GRID2IP: variants seen among roughly 807,000 people sequenced by gnomAD.
GRID2IP encodes the protein Grid2 interacting protein, also known as delphilin.
In GRID2IP, 78 loss-of-function variants were observed where a neutral mutation model predicts 114.3. The observed-to-expected ratio is 0.68, with a 90% CI of 0.57 to 0.82. The LOEUF (loss-of-function observed/expected upper bound fraction) is 0.82. Among genes scored for constraint, GRID2IP ranks in the 40% least tolerant of loss-of-function variants. GRID2IP has a pLI of 0.00. For missense variants in GRID2IP, 1,727 were observed against 1,678.5 expected (o/e 1.03, Z -0.51); for synonymous variants, 809 against 724.0 (o/e 1.12, Z -1.89).
chr7:6,548,841 CAA>C (rs60120996), intron 1 of GRID2IP, among the ~76,000 whole-genome samples: 1,759 of 105,984 alleles, frequency 0.017, 26 homozygotes, highest in African/African-American at 0.049. Flanking sequence ...GACTCTGCCT[CAA>C]AAAAAAAAAA....
chr7:6,544,673 G>A (rs1221954900), intron 1 of GRID2IP, among the ~76,000 whole-genome samples: 2 of 152,262 alleles, frequency 1.3e-5, no homozygotes, highest in African/African-American at 2.4e-5. Flanking sequence ...ATAACAAGCT[G>A]GGCACAGCAG....
rs1779659841 is a variant in GRID2IP at position 6,532,905 on chromosome 7, G to C, written c.585-6136C>G. 6.6e-6 allele frequency among the ~76,000 whole-genome samples: 1 copy of C among 152,172 alleles called. No homozygotes were observed. Among genetic ancestry groups the C allele is most frequent in the Non-Finnish European group, 1.5e-5 (1 of 68,030 alleles). On this transcript the variant is annotated intron_variant, in intron 2 of 21. Transcript: ENST00000457091. This position sits in a 1 kb window ranked among gnomAD's most constrained non-coding sequence, Gnocchi z 4.4. ...AGTGGGGCCAGCTGCTCATGCCTGT[G>C]GCCAGGTGACCCAGGGCAGCATGAG... is the stretch of plus-strand genomic sequence containing the variant.
chr7:6,509,001 G>T lies in GRID2IP; in HGVS notation c.2084C>A (p.Thr695Asn). The T allele has an allele frequency of 1.3e-6, 2 of 1,548,266 alleles. No individual in the cohort carries two copies. The highest frequency in any genetic ancestry group is 8.7e-7 in the Non-Finnish European group (1 of 1,146,680). ...CGGGGTCAGGAAATCATCCACGATG[G>T]TGACCCGGGGGCCCAGCTGCTCGCT... Reference protein sequence around the residue: ...VLSEQLGPRVTIVDDFLTPEN... With the variant: ...VLSEQLGPRVNIVDDFLTPEN... Residue 695 changes from threonine (T) to asparagine (N), a missense_variant, in exon 12 of 22, where the codon ACC (threonine) becomes AAC (asparagine). By Grantham distance (65) the Thr-to-Asn change is moderately conservative. Coordinates refer to ENST00000457091, the MANE Select transcript of GRID2IP (RefSeq NM_001145118.2). This position sits in a 1 kb window ranked among gnomAD's most constrained non-coding sequence, Gnocchi z 4.9.
In GRID2IP at chr7:6,510,574, T is replaced by C. The variant is rs1323487802; in HGVS notation, c.1653+35A>G. 1.0e-5 allele frequency: 15 copies of C among 1,468,084 alleles called. No individual in the cohort carries two copies. The East Asian group carries it at 3.8e-4, about 38-fold the overall frequency. 90.9% of individuals were successfully genotyped at this position (1,468,084 alleles called of 1,614,324 possible). On this transcript the variant is annotated intron_variant, in intron 10 of 21. Coordinates refer to ENST00000457091, the MANE Select transcript of GRID2IP (RefSeq NM_001145118.2). ...TATGGACCGTCCATTCCCTGCCCCC[T>C]ACTGACCCCACGTGGAGGGCAGAGA...
In GRID2IP at chr7:6,501,546, A is replaced by G. The variant is rs550924274; in HGVS notation, c.3399+235T>C. On this transcript the variant is annotated intron_variant, in intron 20 of 21. Coordinates refer to ENST00000457091, the MANE Select transcript of GRID2IP (RefSeq NM_001145118.2). ...GCAAAACCTTGTCTCTACTAAAAAT[A>G]CAAAAATTAGCCAGGCATAGCCTGG... Among the ~76,000 whole-genome samples, 22 of 152,314 alleles carry G rather than the reference A, an allele frequency of 1.4e-4. No individual in the cohort carries two copies. In the South Asian group the frequency reaches 4.3e-3, roughly 30 times the overall value.
At chr7:6,531,550 C>T (rs1779626108) in intron 2 of GRID2IP, among the ~76,000 whole-genome samples, 1 of 152,218 alleles carries the variant, frequency 6.6e-6, no homozygotes, top group Non-Finnish European at 1.5e-5. Flanking sequence ...CTCCAGGGCT[C>T]AGCAGGAGTC....
At position 6,521,597 on chromosome 7, in the gene GRID2IP, G is replaced by C; in HGVS notation, c.990-74C>G. 9.1e-7 allele frequency: 1 copy of C among 1,100,312 alleles called. No individual in the cohort carries two copies. The highest frequency in any genetic ancestry group is 1.3e-6 in the Non-Finnish European group (1 of 766,060). 68.2% of individuals were successfully genotyped at this position (1,100,312 alleles called of 1,614,324 possible). ...CCACGGCCACCAGCCAGACCTCCCT[G>C]TCCTGCCCACAGAGGTCACACAGCA... On this transcript the variant is annotated intron_variant, in intron 5 of 21. Coordinates refer to ENST00000457091, the MANE Select transcript of GRID2IP (RefSeq NM_001145118.2). The surrounding 1 kb of genome is among the most constrained non-coding windows in gnomAD (Gnocchi z 4.1).
In GRID2IP at chr7:6,526,904, G is replaced by A; in HGVS notation, c.585-135C>T. On this transcript the variant is annotated intron_variant, in intron 2 of 21. Coordinates refer to ENST00000457091, the MANE Select transcript of GRID2IP (RefSeq NM_001145118.2). The surrounding 1 kb of genome is among the most constrained non-coding windows in gnomAD (Gnocchi z 7.6). Reference sequence around the variant, plus strand: ...TCCTAGGAGTGGCGGAGGGCTGGGGGGATCGGGATGAGCAGCCGGTAGCAC... The same window carrying A: ...TCCTAGGAGTGGCGGAGGGCTGGGGAGATCGGGATGAGCAGCCGGTAGCAC... The A allele has an allele frequency of 9.6e-6, 10 of 1,037,536 alleles. No homozygotes were observed. The highest frequency in any genetic ancestry group is 4.2e-5 in the Admixed American group (1 of 23,962). The allele number at this position is 1,037,536 out of a possible 1,614,324, so 64.3% of individuals were successfully genotyped here. A position where few individuals can be genotyped will look rare whatever the true frequency, so the allele number is the denominator to read the frequency against.
At chr7:6,550,435 T>C (rs1779956235) in intron 1 of GRID2IP, among the ~76,000 whole-genome samples, 1 of 152,038 alleles carries the variant, frequency 6.6e-6, no homozygotes, top group East Asian at 1.9e-4. Flanking sequence ...GGTGCATGTA[T>C]ATGGAAAATT....
At position 6,526,229 on chromosome 7, in the gene GRID2IP, A is replaced by G. The variant is rs1454845132; in HGVS notation, c.914T>C (p.Leu305Pro). 4 of 1,551,806 alleles carry G rather than the reference A, an allele frequency of 2.6e-6. No homozygotes were observed. The highest frequency in any genetic ancestry group is 1.2e-5 in the South Asian group (1 of 84,066). The change falls in exon 4 of 22, where the codon CTG (leucine) becomes CCG (proline). Residue 305 changes from leucine (L) to proline (P), a missense_variant. Physicochemically the swap from Leu to Pro is moderately conservative, Grantham distance 98 (BLOSUM62 -3). Coordinates refer to ENST00000457091, the MANE Select transcript of GRID2IP (RefSeq NM_001145118.2). This position sits in a 1 kb window ranked among gnomAD's most constrained non-coding sequence, Gnocchi z 7.6. ...GHGPVWIESVLPGSPADNAAL... is the reference protein window; with the variant it reads ...GHGPVWIESVPPGSPADNAAL... ...GCAACCGGCCCACCCCTCACCAGGC[A>G]GGACAGACTCGATCCAGACAGGCCC...
At chr7:6,513,069 G>A (rs571257170) in intron 8 of GRID2IP, among the ~76,000 whole-genome samples, 1 of 152,206 alleles carries the variant, frequency 6.6e-6, no homozygotes, top group South Asian at 2.1e-4. Flanking sequence ...GGCATTCGGA[G>A]GGCACGCTGA....
intron 18 of GRID2IP, 77 bp from the exon 19 acceptor site, chr7:6,502,195 C>T (rs1246825004): frequency 1.9e-5 from 26 of 1,345,952 alleles, no homozygotes; most frequent in Non-Finnish European, 2.7e-5. Context: ...TTCTCCTGGA[C>T]TACTGTGGCA....
rs1779972175 is a variant in GRID2IP at position 6,551,164 on chromosome 7, T to A, written c.273A>T (p.Pro91=). The A allele has an allele frequency of 7.4e-7, 1 of 1,350,304 alleles. No homozygotes were observed. Among genetic ancestry groups the A allele is most frequent in the Non-Finnish European group, 9.4e-7 (1 of 1,058,714 alleles). 83.6% of individuals were successfully genotyped at this position (1,350,304 alleles called of 1,614,324 possible). A position where few individuals can be genotyped will look rare whatever the true frequency, so the allele number is the denominator to read the frequency against. ...TGGTCGGGGCCGCGGGGCCGGATCC[T>A]GGGCCGGGGCCACCGTCGGGAGCCG... is the stretch of plus-strand genomic sequence containing the variant. ...VLPAPDGGPG[P]GSGPAAPTTV... Residue 91 remains proline, a synonymous_variant, in exon 1 of 22, where the codon CCA becomes CCT. Transcript: ENST00000457091.
chr7:6,507,952 G>GT lies in GRID2IP; in HGVS notation c.2544+32dup. ...CTGCTGCCCAAGCCATCCTCCCCCAGTACAGAGCGCTGCTGGGTCCCAGGT... is the reference window on the plus strand; with the variant it reads ...CTGCTGCCCAAGCCATCCTCCCCCAGTTACAGAGCGCTGCTGGGTCCCAGGT... On this transcript the variant is annotated intron_variant, in intron 13 of 21. Coordinates refer to ENST00000457091, the MANE Select transcript of GRID2IP (RefSeq NM_001145118.2). This position sits in a 1 kb window ranked among gnomAD's most constrained non-coding sequence, Gnocchi z 5.3. 2 of 1,548,310 alleles carry GT rather than the reference G, an allele frequency of 1.3e-6. No homozygotes were observed. The highest frequency in any genetic ancestry group is 1.7e-6 in the Non-Finnish European group (2 of 1,146,022).
At chr7:6,512,810 C>T (rs1465943637) in intron 8 of GRID2IP, among the ~76,000 whole-genome samples, 1 of 152,114 alleles carries the variant, frequency 6.6e-6, no homozygotes, top group East Asian at 1.9e-4. Context: ...CGCGCACGGC[C>T]ACCCCTGGCT....
chr7:6,524,770 G>T (rs1024687398), intron 4 of GRID2IP, among the ~76,000 whole-genome samples: 2 of 151,552 alleles, frequency 1.3e-5, no homozygotes, highest in African/African-American at 4.8e-5. Flanking sequence ...AGGCTGGAGT[G>T]CAATGGCATG....
chr7:6,503,204 T>C (rs1249485184), intron 16 of GRID2IP, 41 bp from the exon 17 acceptor site: 5 of 944,180 alleles, frequency 5.3e-6, no homozygotes, highest in Non-Finnish European at 2.9e-6. Flanking sequence ...ATCCCCTTCC[T>C]GGGACCCTCT....
chr7:6,500,064 C>G (rs1374111649), intron 20 of GRID2IP, among the ~76,000 whole-genome samples: 2 of 152,016 alleles, frequency 1.3e-5, no homozygotes, highest in African/African-American at 4.8e-5. Context: ...CATCCATCTT[C>G]TCTCTGGGGA....
Position 6,526,549 on chromosome 7 carries a change from C to A in GRID2IP, c.805G>T (p.Gly269Cys), listed in dbSNP as rs895210135. The A allele has an allele frequency of 2.4e-5, 29 of 1,221,050 alleles. No homozygotes were observed. The highest frequency in any genetic ancestry group is 2.2e-4 in the African/African-American group (14 of 63,424). 75.6% of individuals were successfully genotyped at this position (1,221,050 alleles called of 1,614,324 possible). A position where few individuals can be genotyped will look rare whatever the true frequency, so the allele number is the denominator to read the frequency against. ...PPRRASLLVG[G>C]LAGPGGARRT... The stretch of plus-strand genomic sequence containing the variant: ...CGCGCGCCCCCGGGGCCGGCGAGGC[C>A]GCCCACCAGCAAGGAGGCCCTGCGC... The change falls in exon 3 of 22, where the codon GGC becomes TGC. Residue 269 changes from glycine (G) to cysteine (C), a missense_variant. Coordinates refer to ENST00000457091, the MANE Select transcript of GRID2IP (RefSeq NM_001145118.2). This position sits in a 1 kb window ranked among gnomAD's most constrained non-coding sequence, Gnocchi z 7.6.
Sources: allele counts gnomAD v4.1 joint callset (sites outside exome capture counted in the v4.1 genomes callset), GRCh38; gene constraint gnomAD v4.1.1; non-coding constraint Gnocchi (gnomAD v3.1); transcripts MANE v1.5; gene names NCBI Gene and HGNC (gene_info 2026-07-23, HGNC 2026-07-21).